SHANK1: variants seen among roughly 807,000 people sequenced by gnomAD.
SHANK1 encodes SH3 and multiple ankyrin repeat domains protein 1.
Under a neutral mutation model 165.6 loss-of-function variants are expected in SHANK1, and 35 were observed. That is an observed-to-expected ratio of 0.21 (90% CI 0.16 to 0.28). SHANK1 has a LOEUF of 0.28. Among genes scored for constraint, SHANK1 ranks in the 10% least tolerant of loss-of-function variants. SHANK1 has a pLI of 1.00. For missense variants in SHANK1, 2,681 were observed against 3,036.4 expected (o/e 0.88, Z 2.75); for synonymous variants, 1,428 against 1,384.8 (o/e 1.03, Z -0.69).
chr19:50,698,132 T>A (rs1396108833), intron 12 of SHANK1, among the ~76,000 whole-genome samples, 176 bp from the exon 13 acceptor site: 1 of 152,166 alleles, frequency 6.6e-6, no homozygotes, highest in East Asian at 1.9e-4. Context: ...ATATCACTCT[T>A]GCATTCTAGT....
chr19:50,714,089 C>T (rs1599874082), intron 5 of SHANK1, 93 bp downstream of exon 5: 1 of 1,521,930 alleles, frequency 6.6e-7, no homozygotes, highest in Non-Finnish European at 9.0e-7. Flanking sequence ...GTTTGGGAGA[C>T]ACCAGTCAGG....
In SHANK1 at chr19:50,686,760, C is replaced by T. The variant is rs1256103172; in HGVS notation, c.2442G>A (p.Val814=). ...CCGTCTTACTGAGAGCCATCTGATA[C>T]ACGGTCCGCTTTTTCTCCATGCTGG... The part of the protein sequence containing the change: ...PVPSMEKKRT[V]YQMALNKLDE... The change falls in exon 20 of 24, where the codon GTG becomes GTA. Residue 814 remains valine (V), a synonymous_variant. Coordinates refer to ENST00000293441, the MANE Select transcript of SHANK1 (RefSeq NM_016148.5). This position sits in a 1 kb window ranked among gnomAD's most constrained non-coding sequence, Gnocchi z 5.7. 10 of 1,613,684 alleles carry T rather than the reference C, an allele frequency of 6.2e-6. No homozygotes were observed. The South Asian group carries it at 9.9e-5, about 16-fold the overall frequency.
chr19:50,689,512 A>AT, intron 15 of SHANK1: 2 of 654,960 alleles, frequency 3.1e-6, no homozygotes, highest in Non-Finnish European at 5.5e-6. Context: ...TCATTCATCC[A>AT]TCCATGCATC....
At chr19:50,677,624 T>C (rs1186692150) in intron 21 of SHANK1, among the ~76,000 whole-genome samples, 1 of 152,176 alleles carries the variant, frequency 6.6e-6, no homozygotes, top group Non-Finnish European at 1.5e-5. Flanking sequence ...GTCCAGGATA[T>C]AGTAGGTGCT....
At chr19:50,683,656 A>C (rs1189976849) in intron 21 of SHANK1, among the ~76,000 whole-genome samples, 1 of 152,206 alleles carries the variant, frequency 6.6e-6, no homozygotes, top group Admixed American at 6.5e-5. Context: ...GGCACTAAAC[A>C]GACCGAGAAA....
Position 50,666,537 on chromosome 19 carries a change from G to A in SHANK1, c.5423C>T (p.Thr1808Met), listed in dbSNP as rs1333794677. The change falls in exon 23 of 24, where the codon ACG becomes ATG. Residue 1808 changes from threonine (T) to methionine (M), a missense_variant. Thr to Met is a moderately conservative substitution (Grantham distance 81, BLOSUM62 -1). Around this residue, in one of 10 missense-constraint regions of SHANK1, gnomAD observed 1,713 missense variants for 1,630.2 expected, o/e 1.05. Transcript: ENST00000293441. The part of the protein sequence containing the change: ...LALRACSGPP[T>M]AGVAGGPVAV... ...CACCGGACCCCCCGCCACGCCTGCC[G>A]TGGGGGGTCCTGAACAAGCACGCAG... 8 of 1,594,768 alleles carry A rather than the reference G, an allele frequency of 5.0e-6. No individual in the cohort carries two copies. The highest frequency in any genetic ancestry group is 1.1e-5 in the South Asian group (1 of 88,802).
In SHANK1 at chr19:50,686,996, G is replaced by A; in HGVS notation, c.2390-184C>T. ...GGGGTCGGGAGACGGGGGCCCTCCC[G>A]CCAGTCCTGTGCCCACTCACCACTC... On this transcript the variant is annotated intron_variant, in intron 19 of 23. Transcript: ENST00000293441. This position sits in a 1 kb window ranked among gnomAD's most constrained non-coding sequence, Gnocchi z 5.7. 3.4e-6 allele frequency: 5 copies of A among 1,458,858 alleles called. No individual in the cohort carries two copies. Among genetic ancestry groups the A allele is most frequent in the Non-Finnish European group, 3.6e-6 (4 of 1,109,024 alleles). The allele number at this position is 1,458,858 out of a possible 1,614,324, so 90.4% of individuals were successfully genotyped here. A position where few individuals can be genotyped will look rare whatever the true frequency, so the allele number is the denominator to read the frequency against.
rs1261003659 is a variant in SHANK1 at position 50,670,858 on chromosome 19, A to G, written c.2674+1160T>C. ...GCCCAGGCTGGAGTGCAATGGTGCGATCTTTGCTCACTGCAACCTCTGCCT... is the reference window on the plus strand; with the variant it reads ...GCCCAGGCTGGAGTGCAATGGTGCGGTCTTTGCTCACTGCAACCTCTGCCT... On this transcript the variant is annotated intron_variant, in intron 22 of 23. Transcript: ENST00000293441. This position sits in a 1 kb window ranked among gnomAD's most constrained non-coding sequence, Gnocchi z 4.1. Among the ~76,000 whole-genome samples, 3 of 149,012 alleles carry G rather than the reference A, an allele frequency of 2.0e-5. No homozygotes were observed. Among genetic ancestry groups the G allele is most frequent in the African/African-American group, 7.4e-5 (3 of 40,428 alleles).
At position 50,688,781 on chromosome 19, in the gene SHANK1, A is replaced by G. The variant is rs527941848; in HGVS notation, c.2172+63T>C. ...AACTGGGCAGCCAGATCCTGGTGTG[A>G]ATCATGAGGGGGTCTGGGAACTTGT... On this transcript the variant is annotated intron_variant, in intron 17 of 23. Coordinates refer to ENST00000293441, the MANE Select transcript of SHANK1 (RefSeq NM_016148.5). This position sits in a 1 kb window ranked among gnomAD's most constrained non-coding sequence, Gnocchi z 6.7. 6.5e-6 allele frequency: 10 copies of G among 1,544,516 alleles called. No homozygotes were observed. The South Asian group carries it at 1.2e-4, about 19-fold the overall frequency.
At chr19:50,695,049 G>A (rs1986688062) in intron 15 of SHANK1, among the ~76,000 whole-genome samples, 2 of 146,518 alleles carry the variant, frequency 1.4e-5, no homozygotes, top group African/African-American at 4.9e-5. Flanking sequence ...TCGCCGCCGC[G>A]GCCCCAGCCC....
At chr19:50,695,289 C>T (rs1432991876) in intron 15 of SHANK1, among the ~76,000 whole-genome samples, 2 of 146,648 alleles carry the variant, frequency 1.4e-5, no homozygotes, top group African/African-American at 2.5e-5. Flanking sequence ...CGGGCCGCGG[C>T]GGTAGCGCGA....
chr19:50,711,296 A>T, intron 8 of SHANK1, 75 bp downstream of exon 8: 1 of 886,386 alleles, frequency 1.1e-6, no homozygotes, highest in Non-Finnish European at 1.8e-6. Context: ...AGTCAAGAGG[A>T]GTGTCTGAGC....
intron 1 of SHANK1, among the ~76,000 whole-genome samples, chr19:50,719,178 G>A (rs544699850): frequency 4.0e-5 from 6 of 151,078 alleles, no homozygotes; most frequent in Admixed American, 1.3e-4. Flanking sequence ...CGGGGGTGGG[G>A]GGCGCGCCCT....
intron 15 of SHANK1, among the ~76,000 whole-genome samples, chr19:50,692,745 C>T (rs1258665662): frequency 6.6e-6 from 1 of 151,692 alleles, no homozygotes; most frequent in Non-Finnish European, 1.5e-5. Context: ...GTGTACCCCT[C>T]CTCTCTGCAC....
At chr19:50,712,192 G>T in intron 6 of SHANK1, 78 bp from the exon 7 acceptor site, 15 of 1,453,950 alleles carry the variant, frequency 1.0e-5, no homozygotes, top group Non-Finnish European at 1.4e-5. Context: ...AAGGGCCAGG[G>T]GGACTGGACC....
intron 8 of SHANK1, among the ~76,000 whole-genome samples, chr19:50,707,746 A>C (rs1193704541): frequency 6.6e-6 from 1 of 151,792 alleles, no homozygotes; most frequent in Non-Finnish European, 1.5e-5. Flanking sequence ...AAAGTCACAC[A>C]TCGGGCAGCA....
Position 50,688,325 on chromosome 19 carries a change from T to C in SHANK1, c.2173-267A>G, listed in dbSNP as rs1207984306. Among the ~76,000 whole-genome samples, 1 of 152,102 alleles carries C rather than the reference T, an allele frequency of 6.6e-6. No individual in the cohort carries two copies. Among genetic ancestry groups the C allele is most frequent in the African/African-American group, 2.4e-5 (1 of 41,408 alleles). The stretch of plus-strand genomic sequence containing the variant: ...CCCCAGTATTTATTTATTTATTTAC[T>C]TTTATTTTTAAAAGACAGGGTCTCT... On this transcript the variant is annotated intron_variant, in intron 17 of 23. Transcript: ENST00000293441. This position sits in a 1 kb window ranked among gnomAD's most constrained non-coding sequence, Gnocchi z 6.7.
Position 50,667,767 on chromosome 19 carries a change from T to G in SHANK1, c.4193A>C (p.His1398Pro), listed in dbSNP as rs1237215211. 30 of 807,772 alleles carry G rather than the reference T, an allele frequency of 3.7e-5. No homozygotes were observed. The highest frequency in any genetic ancestry group is 3.8e-5 in the Non-Finnish European group (27 of 711,936). 50.0% of individuals were successfully genotyped at this position (807,772 alleles called of 1,614,324 possible). ...ACGCAGCACTGGCTCGTGGTGGGCG[T>G]GGGGCGAGTGGTGGTGCGGGGTGGG... ...PPPTPHHHSP[H>P]AHHEPVLRLW... Residue 1398 changes from histidine (H) to proline (P), a missense_variant, in exon 23 of 24, where the codon CAC becomes CCC. Around this residue, in one of 10 missense-constraint regions of SHANK1, gnomAD observed 1,713 missense variants for 1,630.2 expected, o/e 1.05. Coordinates refer to ENST00000293441, the MANE Select transcript of SHANK1 (RefSeq NM_016148.5). This position sits in a 1 kb window ranked among gnomAD's most constrained non-coding sequence, Gnocchi z 5.7.
Position 50,719,554 on chromosome 19 carries a change from AC to A in SHANK1, c.-193del, listed in dbSNP as rs2089113011. 1 of 105,114 alleles carries A rather than the reference AC, an allele frequency of 9.5e-6. No individual in the cohort carries two copies. The highest frequency in any genetic ancestry group is 3.6e-5 in the African/African-American group (1 of 27,604). The allele number at this position is 105,114 out of a possible 1,614,324, so 6.5% of individuals were successfully genotyped here. A position where few individuals can be genotyped will look rare whatever the true frequency, so the allele number is the denominator to read the frequency against. ...GGGCCCGGGGAGGGGGCGGGCGGGG[AC>A]CGGGGGGGAGGGCGGGAGGGCCGAG... On this transcript the variant is annotated 5_prime_UTR_variant, in exon 1 of 24. Transcript: ENST00000293441.
Sources: allele counts gnomAD v4.1 joint callset (sites outside exome capture counted in the v4.1 genomes callset), GRCh38; gene constraint gnomAD v4.1.1; regional missense constraint gnomAD v4.1.1; non-coding constraint Gnocchi (gnomAD v3.1); transcripts MANE v1.5; gene names NCBI Gene and HGNC (gene_info 2026-07-23, HGNC 2026-07-21).